The following CCDC149 variants were observed in gnomAD, a reference collection of about 807,000 sequenced individuals.
CCDC149 encodes coiled-coil domain containing 149.
Under a neutral mutation model 59.9 loss-of-function variants are expected in CCDC149, and 45 were observed. That is an observed-to-expected ratio of 0.75 (90% CI 0.59 to 0.96). CCDC149 has a LOEUF of 0.96. Ranked by LOEUF, CCDC149 falls within the 40% of genes least tolerant of loss-of-function variation. CCDC149 has a pLI of 0.00. For missense variants in CCDC149, 584 were observed against 664.7 expected, an observed-to-expected ratio of 0.88 and a Z score of 1.33; for synonymous variants, 245 against 260.6, an observed-to-expected ratio of 0.94 and a Z score of 0.58.
chr4:24,928,250 A>G (rs1219790186), intron 1 of CCDC149, among the ~76,000 whole-genome samples: 2 of 152,244 alleles, frequency 1.3e-5, no homozygotes, highest in African/African-American at 2.4e-5. Context: ...TGTGCAAAGC[A>G]ACATGCTCGG....
chr4:24,820,881 T>C (rs1329165349), intron 11 of CCDC149, among the ~76,000 whole-genome samples, 174 bp downstream of exon 11: 2 of 152,242 alleles, frequency 1.3e-5, no homozygotes, highest in African/African-American at 2.4e-5. Context: ...CCAAAGCTAA[T>C]GTCATCCTTT....
intron 1 of CCDC149, among the ~76,000 whole-genome samples, chr4:24,906,930 G>C (rs1431767359): frequency 6.6e-6 from 1 of 152,106 alleles, no homozygotes; most frequent in Non-Finnish European, 1.5e-5. Flanking sequence ...GAGAGTGTGG[G>C]TAGACAAAAA....
At chr4:24,876,514 A>T in intron 2 of CCDC149, 22 bp downstream of exon 2, 1 of 1,594,186 alleles carries the variant, frequency 6.3e-7, no homozygotes, top group Non-Finnish European at 8.6e-7. Flanking sequence ...AAAGTCGCTG[A>T]ACAGGGCAGC....
rs137905464 is a variant in CCDC149, at chr4:24,868,051, A to T, written c.264+5630T>A. 4.3e-4 allele frequency among the ~76,000 whole-genome samples: 65 copies of T among 152,352 alleles called. 1 individual carries two copies. The East Asian group carries it at 0.011, about 25-fold the overall frequency. ...CTTATACAAGGTATCTTTGCTTTGC[A>T]GCTGGAGAGGTAAATACTTCCCCTG... On this transcript the variant is annotated intron_variant, in intron 3 of 12. Coordinates refer to ENST00000635206, the MANE Select transcript of CCDC149 (RefSeq NM_001330643.2).
Position 24,976,927 on chromosome 4 carries a change from G to A in CCDC149, c.-65+3142C>T, listed in dbSNP as rs1330100573. ...GACCACACTAGAACACAGGCTCTGC[G>A]CTTCCCAGGATGCCTATCCAGGCTT... On this transcript the variant is annotated intron_variant, in intron 1 of 12. Coordinates refer to the CCDC149 transcript ENST00000389609. 3.9e-5 allele frequency among the ~76,000 whole-genome samples: 6 copies of A among 152,066 alleles called. No homozygotes were observed. The East Asian group carries it at 5.8e-4, about 15-fold the overall frequency.
intron 1 of CCDC149, among the ~76,000 whole-genome samples, chr4:24,976,318 T>C (rs1324796831): frequency 1.3e-5 from 2 of 152,126 alleles, no homozygotes; most frequent in African/African-American, 2.4e-5. Context: ...GGTATCCTCC[T>C]TGCTTGGGCA....
At chr4:24,923,287 C>T (rs1560257774) in intron 1 of CCDC149, among the ~76,000 whole-genome samples, 1 of 152,224 alleles carries the variant, frequency 6.6e-6, no homozygotes, top group Non-Finnish European at 1.5e-5. Flanking sequence ...CATTAAATAA[C>T]ATTCAACAAA....
chr4:24,943,084 C>T lies in CCDC149; in HGVS notation c.-65+36985G>A, dbSNP rs540363613. 5.4e-4 allele frequency among the ~76,000 whole-genome samples: 82 copies of T among 151,750 alleles called. 1 individual carries two copies. Among genetic ancestry groups the T allele is most frequent in the African/African-American group, 1.8e-3 (75 of 41,364 alleles). ...TATGGAACCAAAAAAGAGCCCGCAT[C>T]GCCAAGTCAATCCTAAGCCAAAAGA... On this transcript the variant is annotated intron_variant, in intron 1 of 12. Transcript: ENST00000389609.
chr4:24,928,878 T>C (rs559110319), intron 1 of CCDC149, among the ~76,000 whole-genome samples: 22 of 152,306 alleles, frequency 1.4e-4, no homozygotes, highest in African/African-American at 5.3e-4. Flanking sequence ...GAACTTCATG[T>C]GACAGGCGGG....
At chr4:24,875,238 G>A (rs1051703631) in intron 2 of CCDC149, among the ~76,000 whole-genome samples, 2 of 151,862 alleles carry the variant, frequency 1.3e-5, no homozygotes, top group Non-Finnish European at 2.9e-5. Context: ...GCTGAGGCAG[G>A]AGAAGGGCAT....
intron 1 of CCDC149, among the ~76,000 whole-genome samples, chr4:24,889,705 G>T (rs142219365): frequency 1.3e-5 from 2 of 152,090 alleles, no homozygotes; most frequent in African/African-American, 4.8e-5. Flanking sequence ...AATTCAATTC[G>T]GTTGCAGAGG....
chr4:24,875,503 A>T (rs1378219976), intron 2 of CCDC149, among the ~76,000 whole-genome samples: 1 of 144,138 alleles, frequency 6.9e-6, no homozygotes, highest in East Asian at 2.0e-4. Context: ...TTCTCCATGA[A>T]TTTTTTTTTT....
chr4:24,943,268 T>C (rs535812130), intron 1 of CCDC149, among the ~76,000 whole-genome samples: 3 of 152,224 alleles, frequency 2.0e-5, no homozygotes, highest in African/African-American at 7.2e-5. Flanking sequence ...GCCGCATATC[T>C]ACAACTATCT....
upstream of CCDC149, among the ~76,000 whole-genome samples, chr4:24,914,317 TC>T (rs1325031677): frequency 6.6e-6 from 1 of 150,912 alleles, no homozygotes; most frequent in East Asian, 2.0e-4. Flanking sequence ...CCTGCCACTG[TC>T]TCTTTCACTC....
intron 1 of CCDC149, among the ~76,000 whole-genome samples, chr4:24,888,705 G>T (rs73250618): frequency 7.9e-5 from 12 of 152,056 alleles, no homozygotes; most frequent in Admixed American, 7.9e-4. Context: ...TCCAGCCTGC[G>T]GCAATCCCTA....
At chr4:24,966,350 C>T (rs144099947) in intron 1 of CCDC149, among the ~76,000 whole-genome samples, 81 of 152,242 alleles carry the variant, frequency 5.3e-4, no homozygotes, top group African/African-American at 1.5e-3. Flanking sequence ...AGATGATGAA[C>T]GTGTCACCTC....
chr4:24,885,543 C>T (rs1309024087), intron 1 of CCDC149, among the ~76,000 whole-genome samples: 7 of 152,300 alleles, frequency 4.6e-5, no homozygotes, highest in African/African-American at 1.2e-4. Context: ...TTTCAGCCTC[C>T]GCCGTGACGG....
intron 1 of CCDC149, among the ~76,000 whole-genome samples, chr4:24,911,491 A>G (rs1027339061): frequency 7.2e-5 from 11 of 152,176 alleles, no homozygotes; most frequent in South Asian, 6.2e-4. Flanking sequence ...CTAACACTGG[A>G]CTTCTAAGGA....
intron 1 of CCDC149, among the ~76,000 whole-genome samples, chr4:24,978,860 A>C (rs1724334221): frequency 6.6e-6 from 1 of 152,152 alleles, no homozygotes; most frequent in Non-Finnish European, 1.5e-5. Flanking sequence ...GGCTTCTCTG[A>C]CCTGGGCGTG....
Sources: allele counts gnomAD v4.1 joint callset (sites outside exome capture counted in the v4.1 genomes callset), GRCh38; gene constraint gnomAD v4.1.1; transcripts MANE v1.5; gene names NCBI Gene and HGNC (gene_info 2026-07-23, HGNC 2026-07-21).